The following NEK10 variants were observed in gnomAD, a reference collection of about 807,000 sequenced individuals.
NEK10 encodes NIMA related kinase 10, also known as serine/threonine-protein kinase Nek10.
In NEK10, 122 loss-of-function variants were observed where a neutral mutation model predicts 159.8. The ratio of observed to expected loss-of-function variants is 0.76; its 90% confidence interval spans 0.66 to 0.89. The LOEUF (loss-of-function observed/expected upper bound fraction) is 0.89. NEK10 is among the 40% of genes least tolerant of loss of function. The pLI, the probability that NEK10 is intolerant of heterozygous loss-of-function variation, is 0.00. For synonymous variants in NEK10, 466 were observed against 457.1 expected, an observed-to-expected ratio of 1.02 and a Z score of -0.25; for missense variants, 1,342 against 1,323.1, an observed-to-expected ratio of 1.01 and a Z score of -0.22.
intron 30 of NEK10, among the ~76,000 whole-genome samples, chr3:27,151,985 T>C (rs1011558487): frequency 4.6e-5 from 7 of 152,052 alleles, no homozygotes; most frequent in Non-Finnish European, 1.0e-4. Context: ...CTCCAAGAAG[T>C]CTGGGATTAT....
intron 8 of NEK10, 145 bp downstream of exon 8, chr3:27,311,954 A>C: frequency 1.5e-6 from 1 of 648,614 alleles, no homozygotes; most frequent in Admixed American, 2.2e-5. Flanking sequence ...CACTGAATAT[A>C]ACAATTGGCC....
chr3:27,224,517 C>T (rs959191901), intron 23 of NEK10, among the ~76,000 whole-genome samples: 4 of 152,200 alleles, frequency 2.6e-5, no homozygotes, highest in African/African-American at 9.6e-5. Context: ...TTCCCTCCCA[C>T]AATCGACTCT....
Position 27,115,956 on chromosome 3 carries a change from T to C in NEK10, c.3283A>G (p.Asn1095Asp). The C allele has an allele frequency of 6.2e-7, 1 of 1,612,576 alleles. No homozygotes were observed. Among genetic ancestry groups the C allele is most frequent in the Non-Finnish European group, 8.5e-7 (1 of 1,178,976 alleles). ...AGCTCTTACCTGTTAGATGTAAAATTGTAATAGCCACTTTCCTCAAGGACT... is the reference window on the plus strand; with the variant it reads ...AGCTCTTACCTGTTAGATGTAAAATCGTAATAGCCACTTTCCTCAAGGACT... ...EEVLEESGYYNFTSNRYHSYP... is the reference protein window; with the variant it reads ...EEVLEESGYYDFTSNRYHSYP... The change falls in exon 35 of 36, where the codon AAT becomes GAT. Residue 1095 changes from asparagine to aspartate, a missense_variant. Physicochemically the swap from Asn to Asp is conservative, Grantham distance 23. Coordinates refer to ENST00000691995, the MANE Select transcript of NEK10 (RefSeq NM_001394966.1).
intron 23 of NEK10, among the ~76,000 whole-genome samples, chr3:27,254,960 A>G (rs1035265172): frequency 2.0e-5 from 3 of 147,884 alleles, no homozygotes; most frequent in African/African-American, 7.9e-5. Flanking sequence ...CACAGTTGAT[A>G]CTATCATATG....
At chr3:27,304,319 A>G (rs2044066675) in intron 12 of NEK10, among the ~76,000 whole-genome samples, 1 of 152,220 alleles carries the variant, frequency 6.6e-6, no homozygotes, top group African/African-American at 2.4e-5. Flanking sequence ...TTTATAGATA[A>G]TAACATATGT....
At chr3:27,328,283 G>A (rs144751527) in intron 5 of NEK10, among the ~76,000 whole-genome samples, 241 of 152,320 alleles carry the variant, frequency 1.6e-3, no homozygotes, top group Middle Eastern at 6.8e-3. Context: ...TACTCATGGA[G>A]CTTACATTCT....
chr3:27,361,083 G>T (rs2048651278), intron 1 of NEK10, among the ~76,000 whole-genome samples: 1 of 152,172 alleles, frequency 6.6e-6, no homozygotes, highest in African/African-American at 2.4e-5. Flanking sequence ...ACTGGCCCAT[G>T]TTGGTCTGAG....
chr3:27,170,948 C>A (rs184536466), intron 29 of NEK10, among the ~76,000 whole-genome samples: 10 of 152,176 alleles, frequency 6.6e-5, no homozygotes, highest in Middle Eastern at 3.4e-3. Flanking sequence ...CTCCATTGGT[C>A]TCTTCTCCTT....
intron 22 of NEK10, among the ~76,000 whole-genome samples, chr3:27,281,700 G>C (rs2042171449): frequency 2.0e-5 from 3 of 152,032 alleles, no homozygotes; most frequent in Admixed American, 1.3e-4. Context: ...AGTTTACAAA[G>C]AAAAAGACAC....
At chr3:27,195,410 A>G (rs1949476393) in intron 25 of NEK10, among the ~76,000 whole-genome samples, 1 of 152,264 alleles carries the variant, frequency 6.6e-6, no homozygotes, top group South Asian at 2.1e-4. Context: ...GCAATTGCAT[A>G]TAATTCATGA....
chr3:27,281,697 A>G (rs1417476904), intron 22 of NEK10, among the ~76,000 whole-genome samples: 3 of 152,178 alleles, frequency 2.0e-5, no homozygotes, highest in South Asian at 4.1e-4. Flanking sequence ...GGAAGTTTAC[A>G]AAGAAAAAGA....
At chr3:27,334,018 T>G (rs1046578672) in intron 5 of NEK10, among the ~76,000 whole-genome samples, 1 of 152,156 alleles carries the variant, frequency 6.6e-6, no homozygotes, top group Non-Finnish European at 1.5e-5. Flanking sequence ...GGCCAACACC[T>G]GTACACAGAA....
At position 27,290,629 on chromosome 3, in the gene NEK10, T is replaced by G; in HGVS notation, c.1731A>C (p.Ile577=). The G allele has an allele frequency of 6.3e-7, 1 of 1,591,040 alleles. No homozygotes were observed. The highest frequency in any genetic ancestry group is 8.5e-7 in the Non-Finnish European group (1 of 1,170,480). ...SVRNIVSELT[I]IKEQLYHPNI... is the part of the protein sequence containing the mutation. ...GGAAAACATTTACCTGCTCTTTAAT[T>G]ATTGTTAATTCAGAAACAATATTCC... is the stretch of plus-strand genomic sequence containing the variant. Residue 577 remains isoleucine (I), a synonymous_variant, in exon 19 of 36, where the codon ATA becomes ATC. Transcript: ENST00000691995.
At chr3:27,162,469 T>C (rs768355243) in intron 30 of NEK10, 14 of 1,613,986 alleles carry the variant, frequency 8.7e-6, no homozygotes, top group Non-Finnish European at 1.0e-5. Context: ...ACCATGATCT[T>C]TGAGATTTCG....
intron 26 of NEK10, among the ~76,000 whole-genome samples, chr3:27,187,589 G>C (rs1478644212): frequency 6.6e-6 from 1 of 151,998 alleles, no homozygotes; most frequent in Non-Finnish European, 1.5e-5. Context: ...TTCAAAGAGA[G>C]AAGACAGAAA....
chr3:27,228,105 T>C (rs1952825828), intron 23 of NEK10, among the ~76,000 whole-genome samples: 1 of 152,336 alleles, frequency 6.6e-6, no homozygotes, highest in South Asian at 2.1e-4. Context: ...TCACTGGATA[T>C]TCTACATATT....
chr3:27,241,302 AAGC>A (rs745940857), intron 23 of NEK10, among the ~76,000 whole-genome samples: 2 of 152,170 alleles, frequency 1.3e-5, no homozygotes, highest in Non-Finnish European at 2.9e-5. Context: ...TGTTAACTTG[AAGC>A]AGATGTTGTA....
chr3:27,160,551 T>C (rs1345552667), intron 30 of NEK10, among the ~76,000 whole-genome samples: 1 of 152,214 alleles, frequency 6.6e-6, no homozygotes, highest in Non-Finnish European at 1.5e-5. Flanking sequence ...TGTGAATTAA[T>C]GTGTTGTACA....
At chr3:27,333,287 T>A (rs1253267951) in intron 5 of NEK10, among the ~76,000 whole-genome samples, 1 of 152,122 alleles carries the variant, frequency 6.6e-6, no homozygotes, top group Non-Finnish European at 1.5e-5. Context: ...GGCTCACACC[T>A]GTAATCCTAG....
Sources: allele counts gnomAD v4.1 joint callset (sites outside exome capture counted in the v4.1 genomes callset), GRCh38; gene constraint gnomAD v4.1.1; transcripts MANE v1.5; gene names NCBI Gene and HGNC (gene_info 2026-07-23, HGNC 2026-07-21).